Variants in CNOT6 observed in about 807,000 individuals in gnomAD.
The protein encoded by CNOT6 is carbon catabolite repression 4 protein.
Under a neutral mutation model 61.2 loss-of-function variants are expected in CNOT6, and 12 were observed. The ratio of observed to expected loss-of-function variants is 0.20; its 90% CI spans 0.13 to 0.32. The LOEUF is 0.32. CNOT6 is among the 10% of genes least tolerant of loss of function. The pLI, the probability that CNOT6 is intolerant of heterozygous loss-of-function variation, is 1.00. For synonymous variants in CNOT6, 225 were observed against 240.6 expected, an observed-to-expected ratio of 0.94 and a Z score of 0.60; for missense variants, 405 against 663.9, an observed-to-expected ratio of 0.61 and a Z score of 4.28.
At chr5:180,510,039 G>T (rs1232059267) in intron 1 of CNOT6, among the ~76,000 whole-genome samples, 1 of 142,374 alleles carries the variant, frequency 7.0e-6, no homozygotes, top group Middle Eastern at 3.8e-3. Context: ...GCTTTTTGTT[G>T]TTGCTGTTTT....
At chr5:180,556,883 G>A (rs1333606652) in intron 4 of CNOT6, among the ~76,000 whole-genome samples, 1 of 152,100 alleles carries the variant, frequency 6.6e-6, no homozygotes, top group African/African-American at 2.4e-5. Flanking sequence ...GTGAACCTGG[G>A]AGGTGGAGGT....
intron 1 of CNOT6, among the ~76,000 whole-genome samples, chr5:180,501,485 T>C (rs915494774): frequency 1.3e-5 from 2 of 152,220 alleles, no homozygotes; most frequent in African/African-American, 4.8e-5. Context: ...CTAACAGATA[T>C]CTGGACCAGA....
At chr5:180,564,171 G>A (rs908007023) in intron 4 of CNOT6, among the ~76,000 whole-genome samples, 1 of 152,088 alleles carries the variant, frequency 6.6e-6, no homozygotes, top group Non-Finnish European at 1.5e-5. Flanking sequence ...TGCCCCGTTC[G>A]TGTTTTGCTC....
chr5:180,554,915 A>G (rs1759804117), intron 4 of CNOT6, among the ~76,000 whole-genome samples: 1 of 152,082 alleles, frequency 6.6e-6, no homozygotes, highest in African/African-American at 2.4e-5. Context: ...TCCTAATCTT[A>G]CACTATATAT....
At chr5:180,539,540 C>A (rs1581524440) in intron 2 of CNOT6, among the ~76,000 whole-genome samples, 2 of 75,676 alleles carry the variant, frequency 2.6e-5, no homozygotes, top group South Asian at 4.9e-4. Context: ...GACTTCAGTA[C>A]TTTTTCTGTT....
intron 9 of CNOT6, 59 bp from the exon 10 acceptor site, chr5:180,569,051 A>G: frequency 7.9e-7 from 1 of 1,260,720 alleles, no homozygotes; most frequent in Non-Finnish European, 1.1e-6. Flanking sequence ...CGCTGTAAGA[A>G]TATATGGGCT....
At chr5:180,537,284 G>C (rs1427685284) in intron 2 of CNOT6, among the ~76,000 whole-genome samples, 1 of 152,090 alleles carries the variant, frequency 6.6e-6, no homozygotes, top group Non-Finnish European at 1.5e-5. Context: ...ATCCTTTTCC[G>C]GATTTGGTGG....
chr5:180,560,421 T>C (rs1760105742), intron 4 of CNOT6, among the ~76,000 whole-genome samples: 1 of 152,084 alleles, frequency 6.6e-6, no homozygotes, highest in African/African-American at 2.4e-5. Context: ...TGGCAGCAGA[T>C]TCTGTTAGTT....
Position 180,504,955 on chromosome 5 carries a change from A to ATTTTTTTTTTT in CNOT6, c.-3+10204_-3+10214dup, listed in dbSNP as rs769852255. On this transcript the variant is annotated intron_variant, in intron 1 of 11. Transcript: ENST00000261951. ...AATGAAAGTTCTGAGGTACTAGTTAATTTTTTTTTTTTTTTTTTTTTTGAG... is the reference window on the plus strand; with the variant it reads ...AATGAAAGTTCTGAGGTACTAGTTAATTTTTTTTTTTTTTTTTTTTTTTTTTTTTTTTTGAG... Among the ~76,000 whole-genome samples, 17 of 101,504 alleles carry ATTTTTTTTTTT rather than the reference A, an allele frequency of 1.7e-4. 1 individual carries two copies. The highest frequency in any genetic ancestry group is 2.4e-4 in the Admixed American group (2 of 8,180). The allele number at this position is 101,504 out of a possible 152,430, so 66.6% of individuals were successfully genotyped here.
intron 1 of CNOT6, among the ~76,000 whole-genome samples, chr5:180,500,725 C>G (rs1756835457): frequency 6.6e-6 from 1 of 152,186 alleles, no homozygotes; most frequent in South Asian, 2.1e-4. Flanking sequence ...AGGTAACATG[C>G]TACCTTTGTG....
intron 1 of CNOT6, among the ~76,000 whole-genome samples, chr5:180,506,689 T>C (rs1352515609): frequency 6.6e-6 from 1 of 152,236 alleles, no homozygotes; most frequent in Non-Finnish European, 1.5e-5. Context: ...TTTTTAGTTC[T>C]CTTGGATATT....
intron 2 of CNOT6, among the ~76,000 whole-genome samples, chr5:180,547,799 G>A (rs191907852): frequency 8.3e-4 from 127 of 152,130 alleles, no homozygotes; most frequent in Admixed American, 2.1e-3. Context: ...AGTGGCACCA[G>A]CTCAGCCCAC....
intron 1 of CNOT6, among the ~76,000 whole-genome samples, chr5:180,517,626 C>G (rs1581487833): frequency 6.6e-6 from 1 of 152,124 alleles, no homozygotes; most frequent in Non-Finnish European, 1.5e-5. Context: ...TCACTGCAAC[C>G]TCTGCCTCCC....
intron 1 of CNOT6, among the ~76,000 whole-genome samples, chr5:180,496,470 T>G (rs1756620172): frequency 6.6e-6 from 1 of 151,630 alleles, no homozygotes; most frequent in South Asian, 2.1e-4. Flanking sequence ...GGAGGGAGGG[T>G]ATGTTAATGG....
chr5:180,549,903 T>C, intron 2 of CNOT6, 28 bp from the exon 3 acceptor site: 3 of 1,533,710 alleles, frequency 2.0e-6, no homozygotes, highest in Non-Finnish European at 2.7e-6. Context: ...AACTATATAA[T>C]CCGTTCCTGT....
intron 1 of CNOT6, among the ~76,000 whole-genome samples, chr5:180,509,517 CAT>C (rs1476384711): frequency 6.6e-6 from 1 of 151,840 alleles, no homozygotes; most frequent in African/African-American, 2.4e-5. Context: ...ATTCTCGTCT[CAT>C]TGCAACCTCT....
intron 1 of CNOT6, among the ~76,000 whole-genome samples, chr5:180,524,296 C>T (rs1398792309): frequency 6.6e-6 from 1 of 152,196 alleles, no homozygotes; most frequent in African/African-American, 2.4e-5. Context: ...GTTGATTTCA[C>T]AGCCTTGGGA....
At position 180,569,189 on chromosome 5, in the gene CNOT6, T is replaced by C. The variant is rs1352815192; in HGVS notation, c.1107T>C (p.Ser369=). ...NAHMHWDPEY[S]DVKLVQTMMF... ...ACATGCATTGGGACCCTGAATACTC[T>C]GATGTGAAGTTGGTACAAACTATGA... Residue 369 remains serine (S), a synonymous_variant, in exon 10 of 12, where the codon TCT becomes TCC. Coordinates refer to ENST00000261951, the MANE Select transcript of CNOT6 (RefSeq NM_001370472.1). The C allele has an allele frequency of 3.1e-6, 5 of 1,614,212 alleles. No homozygotes were observed. The highest frequency in any genetic ancestry group is 1.7e-5 in the Admixed American group (1 of 60,028).
chr5:180,496,207 C>G (rs1424491368), intron 1 of CNOT6, among the ~76,000 whole-genome samples: 2 of 152,170 alleles, frequency 1.3e-5, no homozygotes, highest in Non-Finnish European at 2.9e-5. Context: ...CTGGCCATCA[C>G]AGTGTTTAGA....
Sources: gnomAD v4.1 joint callset for allele counts (sites outside exome capture counted in the v4.1 genomes callset) on GRCh38, gnomAD v4.1.1 for gene constraint, MANE v1.5 for transcripts, NCBI Gene and HGNC (gene_info 2026-07-23, HGNC 2026-07-21) for gene names.